DGKB: variants seen among roughly 807,000 people sequenced by gnomAD.
DGKB encodes 90 kDa diacylglycerol kinase.
DGKB carries 67 observed loss-of-function variants against 114.3 expected under a neutral mutation model. That is an observed-to-expected ratio of 0.59 (90% confidence interval 0.48 to 0.72). DGKB has a LOEUF of 0.72. Ranked by LOEUF, DGKB falls within the 30% of genes least tolerant of loss-of-function variation. The pLI is 0.00. For synonymous variants in DGKB, 398 were observed against 323.1 expected (o/e 1.23, Z -2.49); for missense variants, 907 against 975.2 (o/e 0.93, Z 0.93).
At chr7:14,729,123 C>CTTTCTTT (rs1463141725) in intron 5 of DGKB, among the ~76,000 whole-genome samples, 19 of 113,406 alleles carry the variant, frequency 1.7e-4, no homozygotes, top group African/African-American at 6.9e-4. Context: ...CATTTTCTTT[C>CTTTCTTT]TTTTTTTTTT....
rs1793463145 is a variant in DGKB at position 14,240,399 on chromosome 7, AAAGTTATCATCTTTGG to A, written c.2123-62264_2123-62249del. Among the ~76,000 whole-genome samples the A allele has an allele frequency of 2.6e-5, 4 of 152,236 alleles. No individual in the cohort carries two copies. The South Asian group carries it at 8.3e-4, about 32-fold the overall frequency. On this transcript the variant is annotated intron_variant, in intron 23 of 25. Coordinates refer to ENST00000402815, the MANE Select transcript of DGKB (RefSeq NM_001350709.2). ...TTTCAATAATTGCATAATTATTTTT[AAAGTTATCATCTTTGG>A]AGTGCTAAAGCTATCATTAAGTGAT...
chr7:14,600,954 G>C (rs1325220973), intron 17 of DGKB, among the ~76,000 whole-genome samples: 2 of 152,092 alleles, frequency 1.3e-5, no homozygotes, highest in African/African-American at 2.4e-5. Context: ...AGCCCCCATA[G>C]CTCCACTAGG....
At chr7:14,650,018 G>C (rs994170999) in intron 13 of DGKB, among the ~76,000 whole-genome samples, 1 of 151,712 alleles carries the variant, frequency 6.6e-6, no homozygotes, top group African/African-American at 2.4e-5. Context: ...GACCTACAAA[G>C]AGACTTAGAC....
chr7:14,211,284 CTACTATGTGATATTTACTCTCATGT>C (rs1787747447), intron 23 of DGKB, among the ~76,000 whole-genome samples: 1 of 66,512 alleles, frequency 1.5e-5, no homozygotes, highest in Non-Finnish European at 2.5e-5. Flanking sequence ...TCCTTAGCCT[CTACTATGTGATATTTACTCTCATGT>C]TTTGTGATAT....
At chr7:14,451,926 ATTGT>A (rs1197398647) in intron 21 of DGKB, among the ~76,000 whole-genome samples, 1 of 152,088 alleles carries the variant, frequency 6.6e-6, no homozygotes, top group East Asian at 1.9e-4. Flanking sequence ...CAGACTTATG[ATTGT>A]TTAATATTTT....
At chr7:14,722,302 C>T (rs1039875399) in intron 5 of DGKB, among the ~76,000 whole-genome samples, 1 of 152,144 alleles carries the variant, frequency 6.6e-6, no homozygotes, top group Non-Finnish European at 1.5e-5. Context: ...TCATTTTCTC[C>T]CGGATTTTGC....
At chr7:14,237,117 C>T (rs760676024) in intron 23 of DGKB, among the ~76,000 whole-genome samples, 12 of 151,916 alleles carry the variant, frequency 7.9e-5, no homozygotes, top group Non-Finnish European at 1.3e-4. Flanking sequence ...CATAGTCCAG[C>T]GTTACACTTG....
chr7:14,745,714 G>C (rs1459778685), intron 4 of DGKB, among the ~76,000 whole-genome samples: 2 of 152,148 alleles, frequency 1.3e-5, no homozygotes, highest in African/African-American at 4.8e-5. Flanking sequence ...TTCAATTTGT[G>C]AGGTGAAAAC....
At chr7:14,364,471 T>C (rs989340620) in intron 21 of DGKB, among the ~76,000 whole-genome samples, 1 of 151,696 alleles carries the variant, frequency 6.6e-6, no homozygotes, top group African/African-American at 2.4e-5. Flanking sequence ...GAAGAGAAAA[T>C]CTGTATTCTT....
intron 2 of DGKB, among the ~76,000 whole-genome samples, chr7:14,761,159 G>A (rs1835634464): frequency 1.3e-5 from 2 of 152,070 alleles, no homozygotes; most frequent in African/African-American, 4.8e-5. Flanking sequence ...TTGGAAACTG[G>A]AGCATTATCT....
At chr7:14,493,586 G>C (rs1189566072) in intron 20 of DGKB, among the ~76,000 whole-genome samples, 2 of 151,986 alleles carry the variant, frequency 1.3e-5, no homozygotes, top group Admixed American at 1.3e-4. Flanking sequence ...GTAGCATTAG[G>C]CTACGAGTGA....
chr7:14,691,693 C>CA (rs1268868880), intron 9 of DGKB, among the ~76,000 whole-genome samples: 1 of 151,326 alleles, frequency 6.6e-6, no homozygotes, highest in Non-Finnish European at 1.5e-5. Flanking sequence ...ACTTTTTTCA[C>CA]AAAAATGAAA....
chr7:14,419,719 T>A (rs1246702342), intron 21 of DGKB, among the ~76,000 whole-genome samples: 1 of 151,832 alleles, frequency 6.6e-6, no homozygotes, highest in Admixed American at 6.6e-5. Flanking sequence ...TTACGAGACA[T>A]AGAGACATAC....
intron 2 of DGKB, among the ~76,000 whole-genome samples, chr7:14,812,683 C>A (rs1270545382): frequency 6.6e-6 from 1 of 152,142 alleles, no homozygotes; most frequent in Non-Finnish European, 1.5e-5. Flanking sequence ...TTTATCTTGT[C>A]AAATATCCCA....
chr7:14,338,937 A>G (rs1220969892), intron 22 of DGKB, among the ~76,000 whole-genome samples: 3 of 152,092 alleles, frequency 2.0e-5, no homozygotes, highest in African/African-American at 7.2e-5. Context: ...AAATGATCAA[A>G]TTAAATCACC....
At chr7:14,267,245 G>A (rs1017422797) in intron 23 of DGKB, among the ~76,000 whole-genome samples, 12 of 152,070 alleles carry the variant, frequency 7.9e-5, no homozygotes, top group Non-Finnish European at 1.3e-4. Flanking sequence ...TCAACACTTG[G>A]TCTTGGAGCC....
intron 23 of DGKB, among the ~76,000 whole-genome samples, chr7:14,214,779 C>T (rs1287053539): frequency 1.3e-5 from 2 of 152,066 alleles, no homozygotes; most frequent in Non-Finnish European, 2.9e-5. Context: ...CAAATGAAAA[C>T]TAAATGCCCA....
chr7:14,744,558 T>A (rs1306027220), intron 4 of DGKB, among the ~76,000 whole-genome samples: 1 of 152,224 alleles, frequency 6.6e-6, no homozygotes, highest in Non-Finnish European at 1.5e-5. Flanking sequence ...TTGAGGGTGC[T>A]AACCCATGGC....
At chr7:14,684,442 G>T (rs570477054) in intron 10 of DGKB, among the ~76,000 whole-genome samples, 1 of 152,200 alleles carries the variant, frequency 6.6e-6, no homozygotes, top group Non-Finnish European at 1.5e-5. Context: ...GATTAATGGA[G>T]AACTTAAATG....
Sources: gnomAD v4.1 joint callset for allele counts (sites outside exome capture counted in the v4.1 genomes callset) on GRCh38, gnomAD v4.1.1 for gene constraint, MANE v1.5 for transcripts, NCBI Gene and HGNC (gene_info 2026-07-23, HGNC 2026-07-21) for gene names.